PLCH1: variants seen among roughly 807,000 people sequenced by gnomAD.
PLCH1 encodes phospholipase C eta 1.
PLCH1 carries 60 observed loss-of-function variants against 126.7 expected under a neutral mutation model. The observed-to-expected ratio is 0.47, with a 90% CI of 0.38 to 0.59. PLCH1 has a LOEUF of 0.59. PLCH1 is among the 20% of genes least tolerant of loss of function. The pLI, the probability that PLCH1 is intolerant of heterozygous loss-of-function variation, is 0.00. For synonymous variants in PLCH1, 719 were observed against 734.9 expected, an observed-to-expected ratio of 0.98 and a Z score of 0.35; for missense variants, 1,723 against 2,040.0, an observed-to-expected ratio of 0.84 and a Z score of 2.99.
chr3:155,463,647 C>A (rs1048388887), intron 21 of PLCH1, among the ~76,000 whole-genome samples: 1 of 152,122 alleles, frequency 6.6e-6, no homozygotes, highest in East Asian at 1.9e-4. Context: ...AGATGAGATG[C>A]ACTATGTACA....
intron 6 of PLCH1, among the ~76,000 whole-genome samples, chr3:155,575,719 C>A (rs867945815): frequency 6.6e-6 from 1 of 152,108 alleles, no homozygotes; most frequent in African/African-American, 2.4e-5. Context: ...GGCCCAGGCA[C>A]AATCATAGCT....
intron 21 of PLCH1, among the ~76,000 whole-genome samples, chr3:155,451,254 T>TAGATGTTGAAATTAGC (rs143363004): frequency 0.044 from 6,708 of 152,242 alleles, 359 homozygotes; most frequent in African/African-American, 0.13. Context: ...GAATCATTAA[T>TAGATGTTGAAATTAGC]AGGTAAGGGT....
chr3:155,499,418 C>T (rs1465065772), intron 14 of PLCH1, among the ~76,000 whole-genome samples: 4 of 152,112 alleles, frequency 2.6e-5, no homozygotes, highest in Admixed American at 1.3e-4. Flanking sequence ...GATTATAAAT[C>T]GGTGTGAAGT....
chr3:155,656,860 A>AT (rs1378515919), intron 2 of PLCH1, among the ~76,000 whole-genome samples: 2 of 152,154 alleles, frequency 1.3e-5, no homozygotes, highest in Non-Finnish European at 2.9e-5. Context: ...AATTATAACT[A>AT]TTTTTAGGTT....
intron 10 of PLCH1, among the ~76,000 whole-genome samples, chr3:155,547,553 C>T (rs973471743): frequency 3.3e-5 from 5 of 151,794 alleles, no homozygotes; most frequent in South Asian, 2.1e-4. Flanking sequence ...TATACCCAAA[C>T]GACTATAAAT....
At chr3:155,655,793 C>T (rs1454501198) in intron 2 of PLCH1, among the ~76,000 whole-genome samples, 2 of 151,502 alleles carry the variant, frequency 1.3e-5, no homozygotes, top group African/African-American at 4.8e-5. Context: ...AAGGGTCCCA[C>T]CCAAAAAGCT....
intron 9 of PLCH1, among the ~76,000 whole-genome samples, chr3:155,550,561 A>G (rs1183422307): frequency 6.6e-6 from 1 of 152,202 alleles, no homozygotes; most frequent in African/African-American, 2.4e-5. Context: ...ATTCTACACC[A>G]GCACTCAGGT....
chr3:155,526,698 G>A (rs2108309401), intron 10 of PLCH1, among the ~76,000 whole-genome samples: 1 of 152,196 alleles, frequency 6.6e-6, no homozygotes, highest in African/African-American at 2.4e-5. Context: ...CAGCCCCAGA[G>A]GACACCTTAA....
Position 155,694,486 on chromosome 3 carries a change from A to G in PLCH1, c.79+9660T>C, listed in dbSNP as rs185496366. Among the ~76,000 whole-genome samples, 116 of 152,344 alleles carry G rather than the reference A, an allele frequency of 7.6e-4. 1 individual carries two copies. In the East Asian group the frequency reaches 0.019, roughly 25 times the overall value. ...TACCGTGAAATTCTCACATTGGCAC[A>G]ATTTTAAAGAATGGTCATTTGTAGA... On this transcript the variant is annotated intron_variant, in intron 2 of 22. Coordinates refer to ENST00000460012, the MANE Select transcript of PLCH1 (RefSeq NM_014996.4).
chr3:155,588,083 A>T (rs983887995), intron 4 of PLCH1, among the ~76,000 whole-genome samples: 1 of 152,214 alleles, frequency 6.6e-6, no homozygotes, highest in Admixed American at 6.5e-5. Flanking sequence ...ACTGTAGAAG[A>T]TTATACCTCA....
At chr3:155,727,045 G>A (rs2109158464) in intron 1 of PLCH1, among the ~76,000 whole-genome samples, 1 of 151,498 alleles carries the variant, frequency 6.6e-6, no homozygotes, top group East Asian at 1.9e-4. Context: ...AATTTTCTAT[G>A]CAGCTTGGAT....
chr3:155,739,879 C>T (rs923359353), intron 1 of PLCH1, among the ~76,000 whole-genome samples: 3 of 152,162 alleles, frequency 2.0e-5, no homozygotes, highest in African/African-American at 4.8e-5. Flanking sequence ...AGTGCCATCA[C>T]GTTAGGAATA....
At chr3:155,736,549 C>G (rs1749187627) in intron 1 of PLCH1, among the ~76,000 whole-genome samples, 1 of 152,200 alleles carries the variant, frequency 6.6e-6, no homozygotes, top group African/African-American at 2.4e-5. Context: ...ACAGGTTCAG[C>G]TGCTCAGTAG....
intron 10 of PLCH1, among the ~76,000 whole-genome samples, chr3:155,530,645 G>A (rs1304663361): frequency 1.3e-5 from 2 of 152,012 alleles, no homozygotes; most frequent in Non-Finnish European, 2.9e-5. Flanking sequence ...CTGAAGTCTT[G>A]AACCCCTCAA....
At chr3:155,489,255 G>A (rs1425143275) in intron 19 of PLCH1, among the ~76,000 whole-genome samples, 1 of 152,084 alleles carries the variant, frequency 6.6e-6, no homozygotes, top group African/African-American at 2.4e-5. Context: ...GCATTTGCAG[G>A]TTTCAACTCC....
intron 2 of PLCH1, among the ~76,000 whole-genome samples, chr3:155,616,337 G>C (rs942041114): frequency 6.6e-6 from 1 of 152,144 alleles, no homozygotes; most frequent in African/African-American, 2.4e-5. Flanking sequence ...GTTTGTAAAA[G>C]ATTAATCTTA....
chr3:155,490,924 A>G (rs768811256), intron 18 of PLCH1, 56 bp from the exon 19 acceptor site: 6 of 977,818 alleles, frequency 6.1e-6, no homozygotes, highest in Non-Finnish European at 9.7e-6. Flanking sequence ...ACATATGTTA[A>G]TTAATCTGAG....
chr3:155,504,111 T>C (rs1390796780), intron 13 of PLCH1, among the ~76,000 whole-genome samples: 1 of 152,188 alleles, frequency 6.6e-6, no homozygotes, highest in African/African-American at 2.4e-5. Context: ...TTTTCTTTAT[T>C]AGCAATTTGG....
chr3:155,639,327 G>A (rs1056998687), intron 2 of PLCH1, among the ~76,000 whole-genome samples: 7 of 152,014 alleles, frequency 4.6e-5, no homozygotes, highest in East Asian at 1.9e-4. Context: ...CTGGAGTGGT[G>A]GTGCAAGCCT....
Sources: gnomAD v4.1 joint callset for allele counts (sites outside exome capture counted in the v4.1 genomes callset) on GRCh38, gnomAD v4.1.1 for gene constraint, MANE v1.5 for transcripts, NCBI Gene and HGNC (gene_info 2026-07-23, HGNC 2026-07-21) for gene names.